GPHN: variants seen among roughly 807,000 people sequenced by gnomAD.
The protein encoded by GPHN is gephyrin.
Under a neutral mutation model 95.5 loss-of-function variants are expected in GPHN, and 17 were observed. The observed-to-expected ratio is 0.18, with a 90% confidence interval of 0.12 to 0.27. The LOEUF (loss-of-function observed/expected upper bound fraction) is 0.27, where lower values mean the gene tolerates loss of function less well. Ranked by LOEUF, GPHN falls within the 10% of genes least tolerant of loss-of-function variation. The pLI, the probability that GPHN is intolerant of heterozygous loss-of-function variation, is 1.00. For synonymous variants in GPHN, 320 were observed against 322.5 expected, an observed-to-expected ratio of 0.99 and a Z score of 0.08; for missense variants, 660 against 978.1, an observed-to-expected ratio of 0.67 and a Z score of 4.34.
chr14:66,760,896 A>G, intron 2 of GPHN: 2 of 956,206 alleles, frequency 2.1e-6, no homozygotes, highest in Non-Finnish European at 3.2e-6. Flanking sequence ...AGTTCAGGAT[A>G]TCAAAGAAGT....
At chr14:66,916,170 A>T in intron 6 of GPHN, 101 bp downstream of exon 6, 1 of 745,854 alleles carries the variant, frequency 1.3e-6, no homozygotes, top group Non-Finnish European at 2.5e-6. Context: ...GACTGCCCTC[A>T]CATCTGATAC....
At chr14:66,675,393 C>T (rs1184592374) in intron 1 of GPHN, among the ~76,000 whole-genome samples, 1 of 152,154 alleles carries the variant, frequency 6.6e-6, no homozygotes, top group Non-Finnish European at 1.5e-5. Flanking sequence ...ATCTGCCCGC[C>T]TCGGCCTCCC....
intron 10 of GPHN, among the ~76,000 whole-genome samples, chr14:67,048,096 A>G (rs1304723870): frequency 6.6e-6 from 1 of 152,240 alleles, no homozygotes; most frequent in Non-Finnish European, 1.5e-5. Flanking sequence ...ACTGATAGAT[A>G]ACAAAGATCC....
At chr14:67,421,789 C>T in the GPHN span, among the ~76,000 whole-genome samples, 18 of 152,264 alleles carry the variant, frequency 1.2e-4, no homozygotes, top group South Asian at 4.1e-4. Context: ...TTGTGCTTTG[C>T]GGGTTCTCGG....
the GPHN span, among the ~76,000 whole-genome samples, chr14:67,536,316 T>A: frequency 6.6e-6 from 1 of 151,726 alleles, no homozygotes; most frequent in Non-Finnish European, 1.5e-5. Context: ...CCCAGCCTCA[T>A]CCCCAGAAAC....
intron 2 of GPHN, among the ~76,000 whole-genome samples, chr14:66,769,735 G>A (rs575400668): frequency 1.3e-5 from 2 of 152,158 alleles, no homozygotes; most frequent in African/African-American, 2.4e-5. Context: ...ACCATTGATG[G>A]GCATTTAGGT....
At chr14:67,392,322 A>G in the GPHN span, 4 of 1,565,376 alleles carry the variant, frequency 2.6e-6, no homozygotes, top group Non-Finnish European at 1.8e-6. Flanking sequence ...CATAGCAGCC[A>G]TACCTGCTTG....
At chr14:66,859,697 A>T (rs2062950717) in intron 4 of GPHN, among the ~76,000 whole-genome samples, 1 of 152,226 alleles carries the variant, frequency 6.6e-6, no homozygotes, top group African/African-American at 2.4e-5. Context: ...TTCAAAATAG[A>T]TATTTTGAGG....
At chr14:67,583,238 A>G in the GPHN span, among the ~76,000 whole-genome samples, 1 of 152,216 alleles carries the variant, frequency 6.6e-6, no homozygotes, top group African/African-American at 2.4e-5. Flanking sequence ...TACTAAGCAT[A>G]TATGCATCCT....
chr14:67,625,680 C>CAAAAAAAAA, the GPHN span, among the ~76,000 whole-genome samples: 11 of 32,096 alleles, frequency 3.4e-4, no homozygotes, highest in African/African-American at 1.2e-3. Context: ...AACTCCATCT[C>CAAAAAAAAA]AAAAAAAAAA....
At chr14:66,988,580 A>G (rs1016764689) in intron 9 of GPHN, among the ~76,000 whole-genome samples, 2 of 152,092 alleles carry the variant, frequency 1.3e-5, no homozygotes, top group African/African-American at 4.8e-5. Context: ...GAAAATTAGC[A>G]GTAAGTACCT....
intron 4 of GPHN, among the ~76,000 whole-genome samples, chr14:66,841,584 A>G (rs911705499): frequency 1.3e-5 from 2 of 152,176 alleles, no homozygotes; most frequent in African/African-American, 4.8e-5. Context: ...ATAAGACCCA[A>G]GATTTGCCTT....
intron 1 of GPHN, among the ~76,000 whole-genome samples, chr14:66,628,855 T>G (rs1362655110): frequency 6.6e-6 from 1 of 150,956 alleles, no homozygotes; most frequent in Non-Finnish European, 1.5e-5. Context: ...ATCCCAGGAG[T>G]TTAAAACCAG....
intron 18 of GPHN, among the ~76,000 whole-genome samples, chr14:67,144,727 CTT>C (rs2080796464): frequency 6.6e-6 from 1 of 152,170 alleles, no homozygotes; most frequent in Non-Finnish European, 1.5e-5. Context: ...TAACCTGACT[CTT>C]TGGACAGTGA....
At chr14:67,690,328 C>T in the GPHN span, 1 of 1,614,132 alleles carries the variant, frequency 6.2e-7, no homozygotes, top group Non-Finnish European at 8.5e-7. Context: ...GTGGATCCTT[C>T]CCAGGTGATG....
the GPHN span, among the ~76,000 whole-genome samples, chr14:67,281,727 A>T: frequency 6.6e-6 from 1 of 152,098 alleles, no homozygotes; most frequent in Admixed American, 6.5e-5. Context: ...CTTCAGCCGG[A>T]TTCACTTAGT....
chr14:66,710,386 A>C (rs1404740895), intron 2 of GPHN, among the ~76,000 whole-genome samples: 1 of 152,198 alleles, frequency 6.6e-6, no homozygotes, highest in Non-Finnish European at 1.5e-5. Context: ...AGCTGTGTTA[A>C]AGTGAATCTA....
rs111447390 is a variant in GPHN at position 66,620,345 on chromosome 14, A to G, written c.65-60762A>G. The stretch of plus-strand genomic sequence containing the variant: ...ATAAAGACATACCTGAGACTGGGCA[A>G]TTTACAAAAGAAAGAGATTTAATGG... On this transcript the variant is annotated intron_variant, in intron 1 of 22. Transcript: ENST00000478722. Among the ~76,000 whole-genome samples, 12 of 152,278 alleles carry G rather than the reference A, an allele frequency of 7.9e-5. 2 individuals are homozygous for G. The highest frequency in any genetic ancestry group is 2.9e-4 in the African/African-American group (12 of 41,558).
rs190237597 is a variant in GPHN at position 66,608,008 on chromosome 14, T to G, written c.65-73099T>G. On this transcript the variant is annotated intron_variant, in intron 1 of 22. Coordinates refer to ENST00000478722, the MANE Select transcript of GPHN (RefSeq NM_020806.5). ...GTCTTAATTTAATTCAGTTCTGATC[T>G]TAATTATTTCTTTTCTTTTATTAGC... is the stretch of plus-strand genomic sequence containing the variant. 3.6e-3 allele frequency among the ~76,000 whole-genome samples: 544 copies of G among 149,934 alleles called. 9 individuals carry two copies. Among genetic ancestry groups the G allele is most frequent in the African/African-American group, 0.013 (518 of 40,922 alleles).
Sources: allele counts gnomAD v4.1 joint callset (sites outside exome capture counted in the v4.1 genomes callset), GRCh38; gene constraint gnomAD v4.1.1; transcripts MANE v1.5; gene names NCBI Gene and HGNC (gene_info 2026-07-23, HGNC 2026-07-21).